The following THSD7A variants were observed in gnomAD, a reference collection of about 807,000 sequenced individuals.
The protein encoded by THSD7A is thrombospondin type-1 domain-containing protein 7A.
In THSD7A, 96 loss-of-function variants were observed where a neutral mutation model predicts 231.3. The ratio of observed to expected loss-of-function variants is 0.41; its 90% confidence interval spans 0.35 to 0.49. The LOEUF is 0.49. Among genes scored for constraint, THSD7A ranks in the 20% least tolerant of loss-of-function variants. The probability of loss-of-function intolerance (pLI) is 0.05; values close to 1 mark genes in which losing one functional copy is unlikely to be tolerated. For missense variants in THSD7A, 2,290 were observed against 2,070.2 expected (o/e 1.11, Z -2.06); for synonymous variants, 940 against 743.3 (o/e 1.26, Z -4.30).
At chr7:11,667,054 C>T (rs1783163595) in intron 1 of THSD7A, among the ~76,000 whole-genome samples, 1 of 151,958 alleles carries the variant, frequency 6.6e-6, no homozygotes, top group African/African-American at 2.4e-5. Flanking sequence ...GCTTTGTTCA[C>T]AAATTTTTTT....
chr7:11,526,179 C>T (rs140690237), intron 6 of THSD7A, among the ~76,000 whole-genome samples: 6 of 152,290 alleles, frequency 3.9e-5, no homozygotes, highest in African/African-American at 9.6e-5. Flanking sequence ...GTTTTATCCA[C>T]AAAGATTCAT....
chr7:11,509,523 A>G (rs1409750733), intron 6 of THSD7A, among the ~76,000 whole-genome samples: 3 of 152,134 alleles, frequency 2.0e-5, no homozygotes, highest in Non-Finnish European at 4.4e-5. Context: ...TTAACAGTGC[A>G]GTTACAAATT....
chr7:11,820,953 T>A, intron 1 of THSD7A: 8 of 1,034,448 alleles, frequency 7.7e-6, no homozygotes, highest in Non-Finnish European at 1.2e-5. Context: ...ATGTTTTTTA[T>A]GACGTTCAAT....
intron 13 of THSD7A, among the ~76,000 whole-genome samples, chr7:11,441,984 T>A (rs1055502927): frequency 1.5e-4 from 23 of 151,908 alleles, no homozygotes; most frequent in South Asian, 6.3e-4. Flanking sequence ...AGTATAATTT[T>A]AAAAAAAAGC....
At chr7:11,588,710 T>C (rs896608405) in intron 4 of THSD7A, among the ~76,000 whole-genome samples, 1 of 152,146 alleles carries the variant, frequency 6.6e-6, no homozygotes, top group Non-Finnish European at 1.5e-5. Context: ...CAGGACATAA[T>C]TGACATTCCA....
chr7:11,486,180 C>T (rs978690548), intron 6 of THSD7A, among the ~76,000 whole-genome samples: 1 of 152,198 alleles, frequency 6.6e-6, no homozygotes, highest in African/African-American at 2.4e-5. Flanking sequence ...TAAGAACTTA[C>T]TCTACTCTTA....
chr7:11,573,215 A>C (rs1176728939), intron 4 of THSD7A, among the ~76,000 whole-genome samples: 2 of 152,192 alleles, frequency 1.3e-5, no homozygotes, highest in Admixed American at 6.5e-5. Flanking sequence ...TTCAGTTCTC[A>C]AACTCACACC....
chr7:11,416,734 T>C (rs1388716853), intron 17 of THSD7A, among the ~76,000 whole-genome samples: 1 of 152,244 alleles, frequency 6.6e-6, no homozygotes, highest in Non-Finnish European at 1.5e-5. Flanking sequence ...TGCACAGTTT[T>C]ACAAAGGTGC....
chr7:11,688,853 T>C (rs1314673397), intron 1 of THSD7A, among the ~76,000 whole-genome samples: 1 of 151,766 alleles, frequency 6.6e-6, no homozygotes, highest in Non-Finnish European at 1.5e-5. Context: ...ATTCACAGAG[T>C]AACCATTTGG....
intron 2 of THSD7A, among the ~76,000 whole-genome samples, chr7:11,622,223 T>A (rs578256993): frequency 6.6e-6 from 1 of 152,252 alleles, no homozygotes; most frequent in South Asian, 2.1e-4. Flanking sequence ...ATACATCACA[T>A]ATAGATTTTT....
chr7:11,708,562 G>C (rs1780844534), intron 1 of THSD7A, among the ~76,000 whole-genome samples: 1 of 150,628 alleles, frequency 6.6e-6, no homozygotes, highest in Non-Finnish European at 1.5e-5. Flanking sequence ...TAATCTTTCA[G>C]GAATTAGGTT....
intron 4 of THSD7A, among the ~76,000 whole-genome samples, chr7:11,570,954 G>C (rs1229676298): frequency 6.6e-6 from 1 of 152,114 alleles, no homozygotes; most frequent in Non-Finnish European, 1.5e-5. Flanking sequence ...TCTTATTTTG[G>C]GGTTATTTCT....
chr7:11,486,851 C>G (rs1048926252), intron 6 of THSD7A, among the ~76,000 whole-genome samples: 2 of 152,130 alleles, frequency 1.3e-5, no homozygotes, highest in Non-Finnish European at 2.9e-5. Context: ...ATTTATAAAA[C>G]AGACTAAATG....
At chr7:11,559,055 G>A (rs185472575) in intron 4 of THSD7A, among the ~76,000 whole-genome samples, 31 of 152,248 alleles carry the variant, frequency 2.0e-4, no homozygotes, top group Admixed American at 7.2e-4. Context: ...AAGAGGCCAG[G>A]AGCCAAGGGA....
chr7:11,533,139 G>A (rs1490503138), intron 6 of THSD7A, among the ~76,000 whole-genome samples: 3 of 152,110 alleles, frequency 2.0e-5, no homozygotes, highest in African/African-American at 4.8e-5. Context: ...AACTCAAAAC[G>A]TTTTAAGGGT....
intron 4 of THSD7A, among the ~76,000 whole-genome samples, chr7:11,544,701 T>C (rs1396857003): frequency 2.0e-5 from 3 of 152,184 alleles, no homozygotes; most frequent in African/African-American, 7.2e-5. Context: ...GCCTATGACA[T>C]TGATTCCTCT....
chr7:11,775,388 A>G (rs1355613410), intron 1 of THSD7A, among the ~76,000 whole-genome samples: 1 of 152,190 alleles, frequency 6.6e-6, no homozygotes, highest in African/African-American at 2.4e-5. Context: ...AGCTATTTGT[A>G]CACCCGCGTT....
intron 1 of THSD7A, among the ~76,000 whole-genome samples, chr7:11,761,469 T>C (rs1291531004): frequency 6.6e-6 from 1 of 152,108 alleles, no homozygotes; most frequent in African/African-American, 2.4e-5. Context: ...AAGGGCATCA[T>C]TTCATTATAT....
chr7:11,461,913 A>G, intron 10 of THSD7A, 98 bp downstream of exon 10: 2 of 1,445,108 alleles, frequency 1.4e-6, no homozygotes, highest in Non-Finnish European at 1.9e-6. Context: ...GAGCCTGTGG[A>G]AGGAACAGTG....
Sources: allele counts gnomAD v4.1 joint callset (sites outside exome capture counted in the v4.1 genomes callset), GRCh38; gene constraint gnomAD v4.1.1; transcripts MANE v1.5; gene names NCBI Gene and HGNC (gene_info 2026-07-23, HGNC 2026-07-21).